The following ALK variants were observed in gnomAD, a reference collection of about 807,000 sequenced individuals.
The protein encoded by ALK is ALK receptor tyrosine kinase.
Under a neutral mutation model 163.1 loss-of-function variants are expected in ALK, and 74 were observed. The observed-to-expected ratio is 0.45, with a 90% CI of 0.38 to 0.55. The LOEUF is 0.55. ALK is among the 20% of genes least tolerant of loss of function. The probability of loss-of-function intolerance (pLI) is 0.00; values close to 1 mark genes in which losing one functional copy is unlikely to be tolerated. For missense variants in ALK, 2,063 were observed against 2,105.3 expected, an observed-to-expected ratio of 0.98 and a Z score of 0.39; for synonymous variants, 960 against 843.2, an observed-to-expected ratio of 1.14 and a Z score of -2.40.
chr2:29,401,386 C>G (rs1193276049), intron 4 of ALK, among the ~76,000 whole-genome samples: 2 of 152,222 alleles, frequency 1.3e-5, no homozygotes, highest in Non-Finnish European at 2.9e-5. Context: ...TGAAAGATCT[C>G]TAACTGCCTT....
At chr2:29,753,682 A>G (rs745358778) in intron 1 of ALK, among the ~76,000 whole-genome samples, 2 of 152,176 alleles carry the variant, frequency 1.3e-5, no homozygotes, top group African/African-American at 2.4e-5. Flanking sequence ...CTAAGGTCCA[A>G]TTTGGCTCTC....
At chr2:29,862,538 A>G (rs1034544176) in intron 1 of ALK, among the ~76,000 whole-genome samples, 1 of 152,198 alleles carries the variant, frequency 6.6e-6, no homozygotes, top group African/African-American at 2.4e-5. Flanking sequence ...TGATAGCATT[A>G]AAAAACCTAC....
intron 4 of ALK, among the ~76,000 whole-genome samples, chr2:29,508,884 TCCCAAGCGTG>T (rs1672429481): frequency 1.3e-5 from 2 of 152,016 alleles, no homozygotes; most frequent in Non-Finnish European, 2.9e-5. Context: ...ATTCAGCGTC[TCCCAAGCGTG>T]CCCAGTCATG....
chr2:29,357,698 G>T (rs933944798), intron 5 of ALK, among the ~76,000 whole-genome samples: 1 of 152,172 alleles, frequency 6.6e-6, no homozygotes, highest in African/African-American at 2.4e-5. Context: ...AGCTCCAGGT[G>T]GGATTTGACC....
At chr2:29,314,815 G>T (rs1054426690) in intron 8 of ALK, among the ~76,000 whole-genome samples, 1 of 152,102 alleles carries the variant, frequency 6.6e-6, no homozygotes, top group Non-Finnish European at 1.5e-5. Context: ...AGACATTCAG[G>T]CTGCTGGGGT....
chr2:29,591,665 A>G (rs1675063620), intron 3 of ALK, among the ~76,000 whole-genome samples: 1 of 152,206 alleles, frequency 6.6e-6, no homozygotes, highest in Non-Finnish European at 1.5e-5. Context: ...GGAGGCAAGG[A>G]GTGACAGCAG....
At chr2:29,582,300 A>C (rs1436968718) in intron 3 of ALK, among the ~76,000 whole-genome samples, 1 of 152,080 alleles carries the variant, frequency 6.6e-6, no homozygotes, top group Non-Finnish European at 1.5e-5. Context: ...AACCCCACCC[A>C]AAATCCTACA....
Position 29,681,776 on chromosome 2 carries a change from A to G in ALK, c.952+13074T>C, listed in dbSNP as rs1381668642. On this transcript the variant is annotated intron_variant, in intron 3 of 28. Transcript: ENST00000389048. ...GTACATTACCCCCTTCCCCCCCTCA[A>G]CCTCATCTTTATTTCACTCCATCTA... Among the ~76,000 whole-genome samples the G allele has an allele frequency of 2.8e-5, 4 of 140,780 alleles. No homozygotes were observed. The East Asian group carries it at 7.0e-4, about 25-fold the overall frequency. 92.4% of individuals were successfully genotyped at this position (140,780 alleles called of 152,430 possible). A position where few individuals can be genotyped will look rare whatever the true frequency, so the allele number is the denominator to read the frequency against.
chr2:29,267,060 T>A (rs1353508763), intron 11 of ALK, among the ~76,000 whole-genome samples: 2 of 152,196 alleles, frequency 1.3e-5, no homozygotes, highest in African/African-American at 2.4e-5. Flanking sequence ...TATAAAATTA[T>A]AATTTCTGTA....
At chr2:29,488,339 A>T (rs529693946) in intron 4 of ALK, among the ~76,000 whole-genome samples, 10 of 152,314 alleles carry the variant, frequency 6.6e-5, no homozygotes, top group African/African-American at 2.4e-4. Flanking sequence ...TGTTGTATGC[A>T]GCAGAATGGT....
chr2:29,397,891 T>C (rs568570411), intron 4 of ALK, among the ~76,000 whole-genome samples: 152 of 152,300 alleles, frequency 1.0e-3, no homozygotes, highest in Non-Finnish European at 1.8e-3. Flanking sequence ...ACTAATGGAA[T>C]TTGGAATTCA....
chr2:29,818,349 T>C (rs1318111262), intron 1 of ALK, among the ~76,000 whole-genome samples: 1 of 152,246 alleles, frequency 6.6e-6, no homozygotes, highest in Non-Finnish European at 1.5e-5. Flanking sequence ...TCTTCTTTCA[T>C]TTCCCGAGCT....
intron 1 of ALK, among the ~76,000 whole-genome samples, chr2:29,794,856 A>G (rs1664267967): frequency 6.6e-6 from 1 of 152,200 alleles, no homozygotes. Flanking sequence ...TATTGCGAGA[A>G]TTACCAAAAT....
intron 3 of ALK, among the ~76,000 whole-genome samples, chr2:29,661,919 TG>T (rs1368921860): frequency 6.6e-6 from 1 of 150,826 alleles, no homozygotes. Context: ...TTATTGTTGT[TG>T]TTTTTTTTGA....
chr2:29,358,674 C>T (rs1415350264), intron 5 of ALK, among the ~76,000 whole-genome samples: 2 of 152,198 alleles, frequency 1.3e-5, no homozygotes, highest in Admixed American at 6.5e-5. Flanking sequence ...AAATGCCCAC[C>T]TTTCTGTACA....
chr2:29,694,526 G>C (rs1434243233), intron 3 of ALK, among the ~76,000 whole-genome samples: 1 of 152,212 alleles, frequency 6.6e-6, no homozygotes, highest in African/African-American at 2.4e-5. Flanking sequence ...CAAATTTAAT[G>C]AGGTATCTTG....
intron 9 of ALK, among the ~76,000 whole-genome samples, chr2:29,277,821 G>A (rs1427797309): frequency 6.6e-6 from 1 of 152,248 alleles, no homozygotes; most frequent in Non-Finnish European, 1.5e-5. Context: ...TGGCACTGGG[G>A]TGTATGCCTC....
rs773260725 is a variant in ALK at position 29,225,510 on chromosome 2, G to A, written c.3123C>T (p.Thr1041=). 1.9e-6 allele frequency: 3 copies of A among 1,613,548 alleles called. No individual in the cohort carries two copies. Among genetic ancestry groups the A allele is most frequent in the Admixed American group, 1.7e-5 (1 of 60,028 alleles). ...GGACCAGGGCGGCCACGAGGGCAGAGGTCACCACAGAGAGGATCAGCGAGA... is the reference window on the plus strand; with the variant it reads ...GGACCAGGGCGGCCACGAGGGCAGAAGTCACCACAGAGAGGATCAGCGAGA... ...LPLSLILSVV[T]SALVAALVLA... is the part of the protein sequence containing the mutation. The change falls in exon 19 of 29, where the codon ACC becomes ACT. Residue 1041 remains threonine (T), a synonymous_variant. Transcript: ENST00000389048.
intron 1 of ALK, among the ~76,000 whole-genome samples, chr2:29,728,758 T>C (rs1232281705): frequency 2.0e-5 from 3 of 152,124 alleles, no homozygotes; most frequent in Non-Finnish European, 2.9e-5. Flanking sequence ...CAGCTCCTTA[T>C]TTGCCACCAA....
Sources: gnomAD v4.1 joint callset for allele counts (sites outside exome capture counted in the v4.1 genomes callset) on GRCh38, gnomAD v4.1.1 for gene constraint, MANE v1.5 for transcripts, NCBI Gene and HGNC (gene_info 2026-07-23, HGNC 2026-07-21) for gene names.